Variants in TANC2 observed in about 807,000 individuals in gnomAD.
TANC2 encodes the protein tetratricopeptide repeat, ankyrin repeat and coiled-coil containing 2.
A neutral mutation model predicts 210.5 loss-of-function variants in TANC2; 26 were observed. The observed-to-expected ratio is 0.12, with a 90% CI of 0.09 to 0.17. The LOEUF (loss-of-function observed/expected upper bound fraction) is 0.17. Ranked by LOEUF, TANC2 falls within the 10% of genes least tolerant of loss-of-function variation. The pLI is 1.00. For synonymous variants in TANC2, 931 were observed against 967.1 expected (o/e 0.96, Z 0.69); for missense variants, 2,129 against 2,608.9 (o/e 0.82, Z 4.01).
At chr17:63,168,174 C>G (rs1288277132) in intron 5 of TANC2, among the ~76,000 whole-genome samples, 2 of 152,030 alleles carry the variant, frequency 1.3e-5, no homozygotes. Flanking sequence ...TTGAGACCAG[C>G]TTAGGCAACA....
chr17:63,047,608 A>C (rs2035432299), intron 2 of TANC2, among the ~76,000 whole-genome samples: 1 of 152,196 alleles, frequency 6.6e-6, no homozygotes, highest in Non-Finnish European at 1.5e-5. Context: ...TGAGACATCC[A>C]AGTGGGTATT....
chr17:63,304,808 G>T (rs1305819098), intron 9 of TANC2, among the ~76,000 whole-genome samples: 1 of 152,268 alleles, frequency 6.6e-6, no homozygotes, highest in Admixed American at 6.5e-5. Context: ...CCTGCAGGGA[G>T]GCCCCGTGCA....
chr17:63,009,678 C>A (rs1445271931), intron 2 of TANC2, 52 bp downstream of exon 2: 3 of 1,484,726 alleles, frequency 2.0e-6, no homozygotes, highest in Admixed American at 1.7e-5. Context: ...AATACAAGTT[C>A]TTTTAGGGTC....
chr17:63,024,881 G>C (rs1053810225), intron 2 of TANC2, among the ~76,000 whole-genome samples: 1 of 152,168 alleles, frequency 6.6e-6, no homozygotes, highest in Non-Finnish European at 1.5e-5. Context: ...CCTGGAAACT[G>C]TCTTTTCTTT....
At chr17:63,345,984 A>G (rs1385617306) in intron 12 of TANC2, among the ~76,000 whole-genome samples, 1 of 152,204 alleles carries the variant, frequency 6.6e-6, no homozygotes, top group Non-Finnish European at 1.5e-5. Context: ...AGACCCACAT[A>G]TGCAGTCAAT....
rs138737615 is a variant in TANC2, at chr17:63,119,983, A to G, written c.322+20626A>G. On this transcript the variant is annotated intron_variant, in intron 4 of 27. Transcript: ENST00000689528. ...TGCAGTGACCCATGATCACTCCACTATCACTCCACTGCACTCCAGACCAAG... is the reference window on the plus strand; with the variant it reads ...TGCAGTGACCCATGATCACTCCACTGTCACTCCACTGCACTCCAGACCAAG... Among the ~76,000 whole-genome samples, 37 of 151,988 alleles carry G rather than the reference A, an allele frequency of 2.4e-4. No individual in the cohort carries two copies. In the East Asian group the frequency reaches 5.2e-3, roughly 21 times the overall value.
At chr17:63,173,270 C>T (rs1389515907) in intron 5 of TANC2, among the ~76,000 whole-genome samples, 1 of 152,068 alleles carries the variant, frequency 6.6e-6, no homozygotes, top group South Asian at 2.1e-4. Flanking sequence ...AGACAGTGAC[C>T]ATATATAAAA....
At chr17:63,253,520 C>T (rs2043108811) in intron 8 of TANC2, among the ~76,000 whole-genome samples, 1 of 152,152 alleles carries the variant, frequency 6.6e-6, no homozygotes, top group African/African-American at 2.4e-5. Context: ...TTGCCCAGAC[C>T]AGGGTTCTGA....
At chr17:63,158,174 G>A (rs887414648) in intron 5 of TANC2, among the ~76,000 whole-genome samples, 3 of 152,070 alleles carry the variant, frequency 2.0e-5, no homozygotes, top group Non-Finnish European at 4.4e-5. Context: ...AGTTCTGGCT[G>A]TGCTACTTTA....
At chr17:63,374,038 T>TG (rs2047351711) in intron 14 of TANC2, among the ~76,000 whole-genome samples, 1 of 143,520 alleles carries the variant, frequency 7.0e-6, no homozygotes, top group Non-Finnish European at 1.5e-5. Context: ...GTTGGTTTTT[T>TG]TTTTTTTTTT....
chr17:62,984,266 T>A (rs1018029761), intron 1 of TANC2, among the ~76,000 whole-genome samples: 1 of 152,136 alleles, frequency 6.6e-6, no homozygotes, highest in Non-Finnish European at 1.5e-5. Context: ...TATTGACATA[T>A]ATTCATAGTA....
At chr17:63,144,929 G>A (rs1236823429) in intron 4 of TANC2, among the ~76,000 whole-genome samples, 1 of 151,624 alleles carries the variant, frequency 6.6e-6, no homozygotes, top group South Asian at 2.1e-4. Context: ...AGAATTAACA[G>A]GGAATATGAA....
Position 63,052,895 on chromosome 17 carries a change from G to T in TANC2, c.68-21048G>T, listed in dbSNP as rs531709076. Among the ~76,000 whole-genome samples the T allele has an allele frequency of 1.2e-4, 19 of 152,192 alleles. No homozygotes were observed. In the South Asian group the frequency reaches 3.9e-3, roughly 32 times the overall value. On this transcript the variant is annotated intron_variant, in intron 2 of 27. Coordinates refer to ENST00000689528, the Ensembl canonical transcript of TANC2. ...AAAACTTGAATTTCAAATATTTTTTGAGTCACAAAATATTGTTTTAGTTAT... is the reference window on the plus strand; with the variant it reads ...AAAACTTGAATTTCAAATATTTTTTTAGTCACAAAATATTGTTTTAGTTAT...
intron 15 of TANC2, chr17:63,381,516 T>G (rs191554899): frequency 6.6e-6 from 1 of 152,210 alleles, no homozygotes; most frequent in Non-Finnish European, 1.5e-5. Flanking sequence ...AAGACAAATA[T>G]AGACTTTATG....
At chr17:63,410,343 C>CG in intron 21 of TANC2, among the ~76,000 whole-genome samples, 1 of 140,150 alleles carries the variant, frequency 7.1e-6, no homozygotes, top group East Asian at 2.2e-4. Flanking sequence ...CCAATCCCCC[C>CG]CCCCCATCTC....
chr17:63,007,711 A>G (rs1319379724), intron 1 of TANC2, among the ~76,000 whole-genome samples: 1 of 152,172 alleles, frequency 6.6e-6, no homozygotes, highest in East Asian at 1.9e-4. Flanking sequence ...CAATTCCATT[A>G]CCCTACTCCT....
In TANC2 at chr17:63,114,532, C is replaced by T. The variant is rs539329092; in HGVS notation, c.322+15175C>T. The stretch of plus-strand genomic sequence containing the variant: ...TCCTGATCTGAAGCAGTAGCCATTG[C>T]TAGGAAAGACACAACCCCGCGTAGA... On this transcript the variant is annotated intron_variant, in intron 4 of 27. Transcript: ENST00000689528. Among the ~76,000 whole-genome samples the T allele has an allele frequency of 1.2e-3, 187 of 152,262 alleles. 1 individual carries two copies. Among genetic ancestry groups the T allele is most frequent in the African/African-American group, 4.3e-3 (180 of 41,554 alleles).
At chr17:63,038,175 T>C (rs1231788217) in intron 2 of TANC2, among the ~76,000 whole-genome samples, 3 of 152,204 alleles carry the variant, frequency 2.0e-5, no homozygotes, top group Admixed American at 6.5e-5. Context: ...ATGGATGTTC[T>C]TTATCAAGTT....
chr17:63,293,421 G>A (rs180785354), intron 9 of TANC2, among the ~76,000 whole-genome samples: 11 of 152,250 alleles, frequency 7.2e-5, no homozygotes, highest in African/African-American at 2.4e-4. Context: ...GAGGTACTTC[G>A]AGGCTAGACT....
Sources: allele counts gnomAD v4.1 joint callset (sites outside exome capture counted in the v4.1 genomes callset), GRCh38; gene constraint gnomAD v4.1.1; transcripts MANE v1.5; gene names NCBI Gene and HGNC (gene_info 2026-07-23, HGNC 2026-07-21).